The following NARS1 variants were observed in gnomAD, a reference collection of about 807,000 sequenced individuals.
NARS1 encodes asparaginyl-tRNA synthetase 1.
In NARS1, 65 loss-of-function variants were observed where a neutral mutation model predicts 79.2. That is an observed-to-expected ratio of 0.82 (90% CI 0.67 to 1.01). The LOEUF is 1.01. NARS1 is among the 50% of genes least tolerant of loss of function. NARS1 has a pLI of 0.00. For missense variants in NARS1, 649 were observed against 673.8 expected (o/e 0.96, Z 0.41); for synonymous variants, 229 against 238.8 (o/e 0.96, Z 0.38).
Position 57,605,842 on chromosome 18 carries a change from G to C in NARS1, c.1251+15C>G, listed in dbSNP as rs1223368406. The C allele has an allele frequency of 5.2e-6, 8 of 1,534,190 alleles. No homozygotes were observed. In the South Asian group the frequency reaches 9.2e-5, roughly 18 times the overall value. On this transcript the variant is annotated intron_variant, in intron 11 of 13. Coordinates refer to ENST00000256854, the MANE Select transcript of NARS1 (RefSeq NM_004539.4). Reference sequence around the variant, plus strand: ...CAATCCCACCTTGGAAACAATGAGAGAAAGGGATACATACTTCTCCAAATT... The same window carrying C: ...CAATCCCACCTTGGAAACAATGAGACAAAGGGATACATACTTCTCCAAATT...
Position 57,607,468 on chromosome 18 carries a change from G to T in NARS1, c.777C>A (p.His259Gln). 6.2e-7 allele frequency: 1 copy of T among 1,614,180 alleles called. No individual in the cohort carries two copies. Among genetic ancestry groups the T allele is most frequent in the Non-Finnish European group, 8.5e-7 (1 of 1,180,024 alleles). Residue 259 changes from histidine to glutamine, a missense_variant, in exon 8 of 14, where the codon CAC becomes CAA. Transcript: ENST00000256854. ...CTTCATAGTACCCCCTATCAAAGAA[G>T]TGATCTCTAAAGCACCTGGTGACCA... ...RSMVTRCFRD[H>Q]FFDRGYYEVT...
intron 7 of NARS1, 122 bp from the exon 8 acceptor site, chr18:57,607,787 T>A: frequency 1.3e-6 from 1 of 750,940 alleles, no homozygotes; most frequent in Non-Finnish European, 2.1e-6. Context: ...ACCTCCTAAT[T>A]CTCAGCTTTA....
chr18:57,601,320 G>T lies in NARS1; in HGVS notation c.*332C>A. The T allele has an allele frequency of 5.9e-6, 1 of 170,294 alleles. No individual in the cohort carries two copies. The highest frequency in any genetic ancestry group is 2.4e-5 in the African/African-American group (1 of 42,178). 10.5% of individuals were successfully genotyped at this position (170,294 alleles called of 1,614,324 possible). On this transcript the variant is annotated 3_prime_UTR_variant, in exon 14 of 14. Coordinates refer to ENST00000256854, the MANE Select transcript of NARS1 (RefSeq NM_004539.4). ...TCTTACACCATAATCTAAAATTGTT[G>T]AATTATACATACATATAACTTGAAT...
At chr18:57,615,225 G>A (rs7242199) in intron 4 of NARS1, among the ~76,000 whole-genome samples, 19,062 of 148,568 alleles carry the variant, frequency 0.13, 1,330 homozygotes, top group Non-Finnish European at 0.17. Context: ...AAAGTAGGCC[G>A]GGCGCAGTGG....
Position 57,609,401 on chromosome 18 carries a change from C to T in NARS1, c.535G>A (p.Val179Ile), listed in dbSNP as rs1201537382. The T allele has an allele frequency of 6.2e-7, 1 of 1,614,080 alleles. No homozygotes were observed. The highest frequency in any genetic ancestry group is 8.5e-7 in the Non-Finnish European group (1 of 1,179,992). Residue 179 changes from valine to isoleucine, a missense_variant, in exon 7 of 14, where the codon GTT becomes ATT. Transcript: ENST00000256854. Reference protein sequence around the residue: ...NGVLLSTESSVAVYGMLNLTP... With the variant: ...NGVLLSTESSIAVYGMLNLTP... ...AGATTTAGCATTCCATACACTGCAA[C>T]ACTGCTCTCCGTGGACAAGAGAACT...
Position 57,602,881 on chromosome 18 carries a change from A to G in NARS1, c.1314T>C (p.Cys438=). 6.2e-7 allele frequency: 1 copy of G among 1,614,136 alleles called. No individual in the cohort carries two copies. Among genetic ancestry groups the G allele is most frequent in the Non-Finnish European group, 8.5e-7 (1 of 1,179,982 alleles). ...AGGACTTGATCTCCACAGGAAATCG[A>G]CACAGCAAGATTGGTTCATTAATGG... The part of the protein sequence containing the change: ...TDTINEPILL[C]RFPVEIKSFY... The change falls in exon 12 of 14, where the codon TGT becomes TGC. Residue 438 remains cysteine, a synonymous_variant. Coordinates refer to ENST00000256854, the MANE Select transcript of NARS1 (RefSeq NM_004539.4).
At chr18:57,609,246 T>C (rs1425778110) in intron 7 of NARS1, 111 bp downstream of exon 7, 7 of 806,468 alleles carry the variant, frequency 8.7e-6, no homozygotes, top group Non-Finnish European at 1.4e-5. Context: ...CTACTAGTTC[T>C]GTCCCTCTGA....
intron 6 of NARS1, among the ~76,000 whole-genome samples, chr18:57,611,418 T>C (rs1013906566): frequency 2.6e-5 from 4 of 152,186 alleles, no homozygotes; most frequent in Non-Finnish European, 1.5e-5. Flanking sequence ...TTCTATTTTG[T>C]AATGTGCTGG....
rs76358919 is a variant in NARS1, at chr18:57,613,094, T to C, written c.421+508A>G. Reference sequence around the variant, plus strand: ...AACAAATTTAAGATATAAATCACTCTATCCTTTAAAGCCAGGTGAGGTGCT... The same window carrying C: ...AACAAATTTAAGATATAAATCACTCCATCCTTTAAAGCCAGGTGAGGTGCT... On this transcript the variant is annotated intron_variant, in intron 5 of 13. Coordinates refer to ENST00000256854, the MANE Select transcript of NARS1 (RefSeq NM_004539.4). Among the ~76,000 whole-genome samples, 1,190 of 152,238 alleles carry C rather than the reference T, an allele frequency of 7.8e-3. 7 individuals carry two copies. Among genetic ancestry groups the C allele is most frequent in the African/African-American group, 0.026 (1,063 of 41,550 alleles).
At chr18:57,615,788 A>G (rs746950302) in intron 3 of NARS1, 29 bp downstream of exon 3, 8 of 1,610,876 alleles carry the variant, frequency 5.0e-6, no homozygotes, top group South Asian at 1.1e-5. Flanking sequence ...AACTTTAACA[A>G]CGTTCACGAT....
At chr18:57,617,587 A>G (rs1268502905) in intron 2 of NARS1, among the ~76,000 whole-genome samples, 1 of 146,718 alleles carries the variant, frequency 6.8e-6, no homozygotes, top group Non-Finnish European at 1.5e-5. Flanking sequence ...AAAAAAAAAA[A>G]AAAAAAATAG....
At chr18:57,618,028 G>C (rs1206947868) in intron 2 of NARS1, among the ~76,000 whole-genome samples, 4 of 151,704 alleles carry the variant, frequency 2.6e-5, no homozygotes, top group African/African-American at 9.7e-5. Context: ...TGTAATCCCA[G>C]CACTTTAGGA....
Position 57,613,666 on chromosome 18 carries a change from C to T in NARS1, c.357G>A (p.Ala119=), listed in dbSNP as rs773016767. 39 of 1,613,738 alleles carry T rather than the reference C, an allele frequency of 2.4e-5. No individual in the cohort carries two copies. Among genetic ancestry groups the T allele is most frequent in the East Asian group, 4.5e-5 (2 of 44,896 alleles). Reference sequence around the variant, plus strand: ...CTCTTTGGCCTCTATATCCTTCTAACGCACCAATCTTCACCTGTCAAATTG... The same window carrying T: ...CTCTTTGGCCTCTATATCCTTCTAATGCACCAATCTTCACCTGTCAAATTG... The part of the protein sequence containing the change: ...LPEPKCVKIG[A]LEGYRGQRVK... The change falls in exon 5 of 14, where the codon GCG becomes GCA. Residue 119 remains alanine, a synonymous_variant. Transcript: ENST00000256854.
chr18:57,606,747 T>G lies in NARS1; in HGVS notation c.1006A>C (p.Thr336Pro). 1.2e-6 allele frequency: 2 copies of G among 1,614,092 alleles called. No homozygotes were observed. The highest frequency in any genetic ancestry group is 1.7e-6 in the Non-Finnish European group (2 of 1,179,994). ...SRTRRHLAEY[T>P]HVEAECPFLT... The stretch of plus-strand genomic sequence containing the variant: ...AAAGGACACTCAGCTTCCACGTGAG[T>G]GTACCTGAAGAACGAGACAATAGCT... The change falls in exon 10 of 14, where the codon ACT becomes CCT. Residue 336 changes from threonine (T) to proline (P), a missense_variant. Thr to Pro is a conservative substitution (Grantham distance 38, BLOSUM62 -1). Transcript: ENST00000256854.
chr18:57,614,985 G>A (rs188037476), intron 4 of NARS1, among the ~76,000 whole-genome samples: 16 of 151,374 alleles, frequency 1.1e-4, no homozygotes, highest in Admixed American at 5.9e-4. Flanking sequence ...AAACCAGCCC[G>A]GGCAATATGG....
intron 2 of NARS1, among the ~76,000 whole-genome samples, chr18:57,619,877 A>G (rs938008152): frequency 6.6e-6 from 1 of 152,050 alleles, no homozygotes; most frequent in African/African-American, 2.4e-5. Flanking sequence ...TTGTAGAGCC[A>G]GGATTTCACC....
In NARS1 at chr18:57,616,132, A is replaced by C. The variant is rs1196743462; in HGVS notation, c.94-157T>G. On this transcript the variant is annotated intron_variant, in intron 2 of 13. Transcript: ENST00000256854. ...CACAGTGACTGGTTGAACATTTAAG[A>C]AGCACACTGGTTGGCTGGGCGCGGT... The C allele has an allele frequency of 5.8e-6, 4 of 691,470 alleles. No individual in the cohort carries two copies. In the South Asian group the frequency reaches 6.4e-5, roughly 11 times the overall value. The allele number at this position is 691,470 out of a possible 1,614,324, so 42.8% of individuals were successfully genotyped here. A position where few individuals can be genotyped will look rare whatever the true frequency, so the allele number is the denominator to read the frequency against.
chr18:57,606,353 A>AT (rs2051556404), intron 10 of NARS1, among the ~76,000 whole-genome samples: 4 of 10,924 alleles, frequency 3.7e-4, no homozygotes, highest in African/African-American at 5.4e-4. Context: ...TCAAAAAAAA[A>AT]ATATATATAT....
Position 57,601,784 on chromosome 18 carries a change from CT to C in NARS1, c.1516-2del. On this transcript the variant is annotated splice_acceptor_variant, in intron 13 of 13. Coordinates refer to ENST00000256854, the MANE Select transcript of NARS1 (RefSeq NM_004539.4). LOFTEE classifies it high-confidence loss of function. ...CATGGGGACATGTACCGTATTTTCT[CT>C]GTTTAAAAAAAGAAAGAAAGAAAGA... 6.2e-7 allele frequency: 1 copy of C among 1,612,442 alleles called. No individual in the cohort carries two copies. Among genetic ancestry groups the C allele is most frequent in the Non-Finnish European group, 8.5e-7 (1 of 1,178,976 alleles).
Sources: gnomAD v4.1 joint callset for allele counts (sites outside exome capture counted in the v4.1 genomes callset) on GRCh38, gnomAD v4.1.1 for gene constraint, MANE v1.5 for transcripts, NCBI Gene and HGNC (gene_info 2026-07-23, HGNC 2026-07-21) for gene names.